The following CPNE4 variants were observed in gnomAD, a reference collection of about 807,000 sequenced individuals.
CPNE4 encodes the protein copine 4.
A neutral mutation model predicts 67.9 loss-of-function variants in CPNE4; 25 were observed. The ratio of observed to expected loss-of-function variants is 0.37; its 90% CI spans 0.27 to 0.51. The LOEUF (loss-of-function observed/expected upper bound fraction) is 0.51, where lower values mean the gene tolerates loss of function less well. Ranked by LOEUF, CPNE4 falls within the 20% of genes least tolerant of loss-of-function variation. The probability of loss-of-function intolerance (pLI) is 0.93; values close to 1 mark genes in which losing one functional copy is unlikely to be tolerated. For synonymous variants in CPNE4, 242 were observed against 244.9 expected, an observed-to-expected ratio of 0.99 and a Z score of 0.11; for missense variants, 464 against 690.8, an observed-to-expected ratio of 0.67 and a Z score of 3.68.
chr3:131,807,239 A>C (rs563312985), intron 2 of CPNE4, among the ~76,000 whole-genome samples: 2 of 152,218 alleles, frequency 1.3e-5, no homozygotes, highest in African/African-American at 2.4e-5. Flanking sequence ...CCTTGCCCCA[A>C]GCCAGACACT....
intron 13 of CPNE4, among the ~76,000 whole-genome samples, chr3:131,552,066 A>G (rs1171091705): frequency 3.7e-3 from 7 of 1,908 alleles, no homozygotes; most frequent in Non-Finnish European, 0.019. Flanking sequence ...GAAGTTGTGA[A>G]AAAAAAAAAA....
intron 7 of CPNE4, among the ~76,000 whole-genome samples, chr3:131,612,908 T>A (rs1273131061): frequency 6.6e-6 from 1 of 152,212 alleles, no homozygotes. Flanking sequence ...ACTACCTGAA[T>A]GTCATTACCT....
In CPNE4 at chr3:131,880,841, C is replaced by T. The variant is rs149709011; in HGVS notation, c.180+24423G>A. On this transcript the variant is annotated intron_variant, in intron 2 of 15. Coordinates refer to ENST00000429747, the MANE Select transcript of CPNE4 (RefSeq NM_130808.3). ...GAGCTGAGAAATAGGTTGCTTTGAA[C>T]ACAAGATGCGTTATAATAGATTTTT... Among the ~76,000 whole-genome samples the T allele has an allele frequency of 2.6e-5, 4 of 152,306 alleles. No individual in the cohort carries two copies. In the East Asian group the frequency reaches 7.7e-4, roughly 29 times the overall value.
At chr3:131,764,689 A>G (rs141815728) in intron 2 of CPNE4, among the ~76,000 whole-genome samples, 22 of 152,220 alleles carry the variant, frequency 1.4e-4, no homozygotes, top group African/African-American at 4.8e-4. Context: ...TCTGGAAATT[A>G]CCCTATGATC....
intron 2 of CPNE4, among the ~76,000 whole-genome samples, chr3:131,776,320 AGAAACAGAGTTTCACT>A (rs2083290003): frequency 7.1e-6 from 1 of 140,996 alleles, no homozygotes; most frequent in South Asian, 2.3e-4. Context: ...AAGGATTTCA[AGAAACAGAGTTTCACT>A]GATAGCAAAT....
At chr3:131,913,095 G>C (rs574879060) in intron 1 of CPNE4, among the ~76,000 whole-genome samples, 199 of 152,246 alleles carry the variant, frequency 1.3e-3, no homozygotes, top group Non-Finnish European at 2.2e-3. Flanking sequence ...AAAGTAGGTA[G>C]CTAGTCAGGC....
chr3:132,010,753 A>T (rs1025985987), intron 1 of CPNE4, among the ~76,000 whole-genome samples: 24 of 152,186 alleles, frequency 1.6e-4, no homozygotes, highest in East Asian at 1.9e-4. Flanking sequence ...ACATAGCCAC[A>T]TCTGCCTTTG....
chr3:132,027,492 C>G (rs537831952), intron 1 of CPNE4, among the ~76,000 whole-genome samples: 2 of 132,748 alleles, frequency 1.5e-5, no homozygotes, highest in South Asian at 5.6e-4. Flanking sequence ...ACTATTTCCA[C>G]TCTTTTCCTC....
intron 2 of CPNE4, among the ~76,000 whole-genome samples, chr3:131,880,393 C>T (rs1431805588): frequency 1.3e-5 from 2 of 152,108 alleles, no homozygotes; most frequent in Non-Finnish European, 2.9e-5. Context: ...GGATTACAGG[C>T]GTGAGCCACC....
chr3:131,626,407 T>C lies in CPNE4; in HGVS notation c.682-38825A>G, dbSNP rs1318097541. On this transcript the variant is annotated intron_variant, in intron 7 of 15. Transcript: ENST00000429747. ...TCAATGGTAAGAAAGCAAATGAGAC[T>C]TTTTGCTGATAGGGAGAAAGTTTTA... 3.3e-5 allele frequency among the ~76,000 whole-genome samples: 5 copies of C among 152,196 alleles called. No individual in the cohort carries two copies. The East Asian group carries it at 9.6e-4, about 29-fold the overall frequency.
intron 15 of CPNE4, among the ~76,000 whole-genome samples, chr3:131,537,219 CTG>C (rs1935200016): frequency 6.6e-6 from 1 of 151,026 alleles, no homozygotes. Context: ...TTTCGGAACT[CTG>C]TAAAAGTGTG....
intron 1 of CPNE4, among the ~76,000 whole-genome samples, 166 bp downstream of exon 1, chr3:132,034,401 C>CGTTG (rs1475368227): frequency 6.6e-6 from 1 of 152,204 alleles, no homozygotes; most frequent in African/African-American, 2.4e-5. Flanking sequence ...AGATTAAAGA[C>CGTTG]GTTGCTTGCT....
chr3:131,654,691 G>C (rs1019323198), intron 7 of CPNE4, among the ~76,000 whole-genome samples: 3 of 152,172 alleles, frequency 2.0e-5, no homozygotes, highest in Non-Finnish European at 2.9e-5. Flanking sequence ...ACTCAGGAAG[G>C]CATGCGATGA....
intron 2 of CPNE4, among the ~76,000 whole-genome samples, chr3:131,846,719 G>A (rs1292846701): frequency 1.3e-5 from 2 of 152,120 alleles, no homozygotes; most frequent in East Asian, 3.9e-4. Context: ...CAGTTTTCTG[G>A]TTCAGACCTG....
intron 2 of CPNE4, among the ~76,000 whole-genome samples, chr3:131,853,924 C>T (rs1048232204): frequency 1.3e-5 from 2 of 151,852 alleles, no homozygotes; most frequent in Non-Finnish European, 2.9e-5. Context: ...CTGGAAATCT[C>T]GTTCACTTTT....
At chr3:131,794,241 C>CT (rs560693108) in intron 2 of CPNE4, among the ~76,000 whole-genome samples, 6,735 of 142,024 alleles carry the variant, frequency 0.047, 495 homozygotes, top group African/African-American at 0.16. Flanking sequence ...TTGGAAACAA[C>CT]TTTTTTTTTT....
At chr3:131,655,082 A>G (rs2079917568) in intron 7 of CPNE4, among the ~76,000 whole-genome samples, 2 of 152,186 alleles carry the variant, frequency 1.3e-5, no homozygotes, top group African/African-American at 4.8e-5. Context: ...AGATATAGAG[A>G]AATTTTAAGG....
intron 2 of CPNE4, among the ~76,000 whole-genome samples, chr3:131,860,546 C>G (rs1055774106): frequency 6.6e-5 from 10 of 152,196 alleles, no homozygotes; most frequent in African/African-American, 2.4e-4. Flanking sequence ...CATTGAAGCT[C>G]TCCACACATT....
At chr3:131,902,392 G>A (rs1203635227) in intron 2 of CPNE4, among the ~76,000 whole-genome samples, 1 of 152,006 alleles carries the variant, frequency 6.6e-6, no homozygotes, top group Non-Finnish European at 1.5e-5. Context: ...CCTATTATTT[G>A]TCCCACCAGT....
Sources: gnomAD v4.1 joint callset for allele counts (sites outside exome capture counted in the v4.1 genomes callset) on GRCh38, gnomAD v4.1.1 for gene constraint, MANE v1.5 for transcripts, NCBI Gene and HGNC (gene_info 2026-07-23, HGNC 2026-07-21) for gene names.